The following NAA11 variants were observed in gnomAD, a reference collection of about 807,000 sequenced individuals.
NAA11 encodes the protein N-alpha-acetyltransferase 11.
In NAA11, 15 loss-of-function variants were observed where a neutral mutation model predicts 16.1. The observed-to-expected ratio is 0.93, with a 90% CI of 0.62 to 1.44. The LOEUF is 1.44. Among genes scored for constraint, NAA11 ranks in the 40% most tolerant of loss-of-function variants. The pLI is 0.00. For missense variants in NAA11, 298 were observed against 291.3 expected (o/e 1.02, Z -0.17); for synonymous variants, 122 against 112.4 (o/e 1.09, Z -0.54).
downstream of NAA11, among the ~76,000 whole-genome samples, chr4:79,316,292 G>A (rs1263190502): frequency 6.6e-6 from 1 of 152,122 alleles, no homozygotes; most frequent in Non-Finnish European, 1.5e-5. Flanking sequence ...TTAGCGTTGA[G>A]ATAGAATATT....
downstream of NAA11, among the ~76,000 whole-genome samples, chr4:79,314,641 T>TAAAAAAAAAA (rs375245497): frequency 3.3e-3 from 328 of 98,032 alleles, 23 homozygotes; most frequent in African/African-American, 0.013. Context: ...TCCTTAAAAT[T>TAAAAAAAAAA]AAAAAAAAAA....
intron 2 of NAA11, among the ~76,000 whole-genome samples, chr4:79,231,049 T>G (rs934293588): frequency 6.6e-6 from 1 of 152,036 alleles, no homozygotes; most frequent in African/African-American, 2.4e-5. Context: ...AATGTATCTG[T>G]GTTGTCAGAG....
At chr4:79,190,006 C>T in the NAA11 span, among the ~76,000 whole-genome samples, 1,050 of 152,214 alleles carry the variant, frequency 6.9e-3, 7 homozygotes, top group Middle Eastern at 0.037. Flanking sequence ...CTATTATTGA[C>T]ATTGGGTAGC....
the NAA11 span, among the ~76,000 whole-genome samples, chr4:79,214,842 T>G: frequency 6.6e-6 from 1 of 152,048 alleles, no homozygotes; most frequent in South Asian, 2.1e-4. Flanking sequence ...CAGTCCTGTC[T>G]TATTTCTCAC....
the NAA11 span, chr4:79,197,756 C>T: frequency 5.3e-5 from 8 of 151,902 alleles, no homozygotes; most frequent in African/African-American, 1.9e-4. Context: ...GATCTAAACA[C>T]ACCTGAATAG....
chr4:79,186,557 CTTAT>C, the NAA11 span, among the ~76,000 whole-genome samples: 1 of 152,124 alleles, frequency 6.6e-6, no homozygotes, highest in Non-Finnish European at 1.5e-5. Flanking sequence ...TTTTAAACAA[CTTAT>C]TAAAAGCCAA....
intron 2 of NAA11, among the ~76,000 whole-genome samples, chr4:79,258,274 C>G (rs1722164634): frequency 6.6e-6 from 1 of 152,266 alleles, no homozygotes; most frequent in Non-Finnish European, 1.5e-5. Flanking sequence ...AGCAGGACCC[C>G]TGATCCTGGG....
the NAA11 span, among the ~76,000 whole-genome samples, chr4:79,188,602 A>G: frequency 0.021 from 3,171 of 151,774 alleles, 47 homozygotes; most frequent in Middle Eastern, 0.068. Context: ...AAGAAAAAAA[A>G]AAAGACAAAC....
intron 1 of NAA11, among the ~76,000 whole-genome samples, chr4:79,294,427 G>A (rs1331308909): frequency 6.6e-6 from 1 of 152,186 alleles, no homozygotes; most frequent in East Asian, 1.9e-4. Flanking sequence ...GAAAGAAATT[G>A]AAGTTTATAT....
intron 2 of NAA11, among the ~76,000 whole-genome samples, chr4:79,282,968 G>A (rs1452488598): frequency 1.3e-5 from 2 of 152,112 alleles, no homozygotes; most frequent in Non-Finnish European, 2.9e-5. Context: ...AGGAAGTAGA[G>A]TGAAGTATCT....
chr4:79,188,153 T>A, the NAA11 span, among the ~76,000 whole-genome samples: 44 of 152,286 alleles, frequency 2.9e-4, no homozygotes, highest in African/African-American at 1.0e-3. Flanking sequence ...TTTGTTTATC[T>A]AAAATTAGAC....
chr4:79,295,135 C>A (rs1723180190), intron 1 of NAA11, among the ~76,000 whole-genome samples: 1 of 152,168 alleles, frequency 6.6e-6, no homozygotes, highest in South Asian at 2.1e-4. Flanking sequence ...TTGACATAAT[C>A]CAAATACTGC....
At chr4:79,157,800 T>G in the NAA11 span, among the ~76,000 whole-genome samples, 1 of 151,476 alleles carries the variant, frequency 6.6e-6, no homozygotes, top group Non-Finnish European at 1.5e-5. Context: ...GTATTTAACA[T>G]AGTACTGGAA....
chr4:79,168,535 G>T, the NAA11 span, among the ~76,000 whole-genome samples: 1 of 152,110 alleles, frequency 6.6e-6, no homozygotes, highest in Non-Finnish European at 1.5e-5. Flanking sequence ...AGCATCTGTT[G>T]TTTCCTGACT....
In NAA11 at chr4:79,316,885, A is replaced by C. The variant is rs1723943045; in HGVS notation, c.*919T>G. On this transcript the variant is annotated 3_prime_UTR_variant, in exon 2 of 2. Transcript: ENST00000286794. Reference sequence around the variant, plus strand: ...AGAGTAGGAACAGAAAAGTAGAAGGAACTTTGGCTTTGAATTCAAACAGAA... The same window carrying C: ...AGAGTAGGAACAGAAAAGTAGAAGGCACTTTGGCTTTGAATTCAAACAGAA... The C allele has an allele frequency of 6.6e-6, 1 of 152,184 alleles. No homozygotes were observed. The allele number at this position is 152,184 out of a possible 1,614,324, so 9.4% of individuals were successfully genotyped here.
At chr4:79,264,446 T>C (rs1055427786) in intron 2 of NAA11, among the ~76,000 whole-genome samples, 8 of 152,220 alleles carry the variant, frequency 5.3e-5, no homozygotes, top group African/African-American at 1.9e-4. Context: ...TCCTACTCTA[T>C]TTCTCTTCTC....
chr4:79,190,007 A>T, the NAA11 span, among the ~76,000 whole-genome samples: 3 of 151,940 alleles, frequency 2.0e-5, no homozygotes, highest in Non-Finnish European at 4.4e-5. Flanking sequence ...TATTATTGAC[A>T]TTGGGTAGCA....
chr4:79,225,829 T>C (rs1721297170), exon 3 of NAA11: 1 of 152,062 alleles, frequency 6.6e-6, no homozygotes, highest in East Asian at 1.9e-4. Context: ...GCTGCAGGCA[T>C]AGGGGGATCT....
intron 2 of NAA11, among the ~76,000 whole-genome samples, chr4:79,265,452 G>C (rs1469784108): frequency 6.6e-6 from 1 of 152,054 alleles, no homozygotes; most frequent in Non-Finnish European, 1.5e-5. Flanking sequence ...TTATTACACT[G>C]GCCCCTGGCT....
Sources: allele counts gnomAD v4.1 joint callset (sites outside exome capture counted in the v4.1 genomes callset), GRCh38; gene constraint gnomAD v4.1.1; transcripts MANE v1.5; gene names NCBI Gene and HGNC (gene_info 2026-07-23, HGNC 2026-07-21).